The following LRRC9 variants were observed in gnomAD, a reference collection of about 807,000 sequenced individuals.
LRRC9 encodes the protein leucine-rich repeat-containing protein 9.
Under a neutral mutation model 63.2 loss-of-function variants are expected in LRRC9, and 122 were observed. The observed-to-expected ratio is 1.93, with a 90% CI of 1.67 to 2.24. The LOEUF (loss-of-function observed/expected upper bound fraction) is 2.24. Ranked by LOEUF, LRRC9 falls within the 30% of genes most tolerant of loss-of-function variation. LRRC9 has a pLI of 0.00. For synonymous variants in LRRC9, 366 were observed against 213.1 expected, an observed-to-expected ratio of 1.72 and a Z score of -6.25; for missense variants, 1,071 against 627.7, an observed-to-expected ratio of 1.71 and a Z score of -7.55.
chr14:60,008,993 T>C (rs1890038916), intron 23 of LRRC9, among the ~76,000 whole-genome samples: 1 of 152,224 alleles, frequency 6.6e-6, no homozygotes, highest in East Asian at 1.9e-4. Flanking sequence ...TAGAACCTTG[T>C]ATACTGTGAC....
chr14:60,043,756 CTTTTTTT>C (rs368065898), intron 29 of LRRC9, among the ~76,000 whole-genome samples: 143 of 71,572 alleles, frequency 2.0e-3, no homozygotes, highest in Non-Finnish European at 2.4e-3. Context: ...TTTTCTTTTC[CTTTTTTT>C]TTTTTTTTTT....
chr14:59,992,094 G>A (rs1333009120), intron 17 of LRRC9, among the ~76,000 whole-genome samples: 1 of 152,034 alleles, frequency 6.6e-6, no homozygotes, highest in Admixed American at 6.5e-5. Flanking sequence ...CACATGGCCG[G>A]GTACTCCTCT....
At chr14:59,952,295 G>C (rs573506338) in intron 8 of LRRC9, among the ~76,000 whole-genome samples, 2 of 152,182 alleles carry the variant, frequency 1.3e-5, no homozygotes, top group East Asian at 1.9e-4. Flanking sequence ...TCTTTGACTC[G>C]GAAAGGGAAC....
chr14:59,974,753 T>C, intron 13 of LRRC9, 45 bp downstream of exon 13: 1 of 589,172 alleles, frequency 1.7e-6, no homozygotes, highest in Non-Finnish European at 3.0e-6. Context: ...AGTTCTGTCT[T>C]CAAATTCATT....
Position 60,042,701 on chromosome 14 carries a change from G to A in LRRC9, c.3991-10364G>A, listed in dbSNP as rs964127460. On this transcript the variant is annotated intron_variant, in intron 29 of 31. Transcript: ENST00000445360. The surrounding 1 kb of genome is among the most constrained non-coding windows in gnomAD (Gnocchi z 4.2). ...TTTCCCCACCCTTTGCACTTCCCGG[G>A]TGAGGCAATGCCCTGTCCTGCTTTG... is the stretch of plus-strand genomic sequence containing the variant. 6.6e-6 allele frequency among the ~76,000 whole-genome samples: 1 copy of A among 152,150 alleles called. No homozygotes were observed. The highest frequency in any genetic ancestry group is 1.5e-5 in the Non-Finnish European group (1 of 68,032).
intron 13 of LRRC9, among the ~76,000 whole-genome samples, chr14:59,976,037 C>T (rs892439292): frequency 2.6e-5 from 4 of 152,210 alleles, no homozygotes; most frequent in Non-Finnish European, 5.9e-5. Flanking sequence ...CTTATAGGGG[C>T]GCGAACCCTA....
chr14:59,927,271 A>AT lies in LRRC9; in HGVS notation c.-33-634dup, dbSNP rs1889285684. Among the ~76,000 whole-genome samples the AT allele has an allele frequency of 6.6e-6, 1 of 152,042 alleles. No individual in the cohort carries two copies. Among genetic ancestry groups the AT allele is most frequent in the Non-Finnish European group, 1.5e-5 (1 of 67,944 alleles). Reference sequence around the variant, plus strand: ...ATTATATTAAAGGCAGGATTCTTATATTTTTTAGATAGTATGTATCTGGAA... The same window carrying AT: ...ATTATATTAAAGGCAGGATTCTTATATTTTTTTAGATAGTATGTATCTGGAA... On this transcript the variant is annotated intron_variant, in intron 1 of 31. Transcript: ENST00000445360. This position sits in a 1 kb window ranked among gnomAD's most constrained non-coding sequence, Gnocchi z 4.4.
At position 60,042,769 on chromosome 14, in the gene LRRC9, G is replaced by A. The variant is rs1417961558; in HGVS notation, c.3991-10296G>A. ...TGCACCTATTGTCCGACAAGCCCCA[G>A]TGAGATGAACACAGTACCTCAGTTG... On this transcript the variant is annotated intron_variant, in intron 29 of 31. Transcript: ENST00000445360. The surrounding 1 kb of genome is among the most constrained non-coding windows in gnomAD (Gnocchi z 4.2). 2.0e-5 allele frequency among the ~76,000 whole-genome samples: 3 copies of A among 152,128 alleles called. No homozygotes were observed. The highest frequency in any genetic ancestry group is 4.8e-5 in the African/African-American group (2 of 41,446).
chr14:59,949,447 T>C (rs1179100129), intron 8 of LRRC9, among the ~76,000 whole-genome samples: 1 of 150,042 alleles, frequency 6.7e-6, no homozygotes, highest in Non-Finnish European at 1.5e-5. Context: ...TGTTGATCCT[T>C]TCAAAAAACC....
At chr14:60,020,359 G>A (rs1310377789) in intron 26 of LRRC9, among the ~76,000 whole-genome samples, 1 of 151,726 alleles carries the variant, frequency 6.6e-6, no homozygotes, top group Non-Finnish European at 1.5e-5. Context: ...ATTTATCATT[G>A]ATGAACATTT....
In LRRC9 at chr14:59,930,957, CTATATT is replaced by C. The variant is rs982076105; in HGVS notation, c.315_320del (p.Leu105_Tyr106del). 2 of 447,308 alleles carry C rather than the reference CTATATT, an allele frequency of 4.5e-6. No homozygotes were observed. Among genetic ancestry groups the C allele is most frequent in the African/African-American group, 4.1e-5 (2 of 49,122 alleles). The allele number at this position is 447,308 out of a possible 1,614,324, so 27.7% of individuals were successfully genotyped here. Reference sequence around the variant, plus strand: ...TCAAGAATGTAGAAATTTGGAAAAACTATATTTATATTTTAATAAAATTTCCAAAAT... The same window carrying C: ...TCAAGAATGTAGAAATTTGGAAAAACTATATTTTAATAAAATTTCCAAAAT... On this transcript the variant is annotated inframe_deletion, in exon 4 of 32. Transcript: ENST00000445360. This position sits in a 1 kb window ranked among gnomAD's most constrained non-coding sequence, Gnocchi z 4.9.
intron 6 of LRRC9, among the ~76,000 whole-genome samples, chr14:59,934,801 C>T (rs1889999264): frequency 6.6e-6 from 1 of 151,808 alleles, no homozygotes; most frequent in Admixed American, 6.6e-5. Context: ...TAAAACAAAC[C>T]AACAAAAAAC....
chr14:60,053,937 C>T lies in LRRC9; in HGVS notation c.4131+732C>T, dbSNP rs1344727105. The T allele has an allele frequency of 2.2e-6, 1 of 455,606 alleles. No homozygotes were observed. Among genetic ancestry groups the T allele is most frequent in the East Asian group, 7.0e-5 (1 of 14,388 alleles). 28.2% of individuals were successfully genotyped at this position (455,606 alleles called of 1,614,324 possible). A position where few individuals can be genotyped will look rare whatever the true frequency, so the allele number is the denominator to read the frequency against. The stretch of plus-strand genomic sequence containing the variant: ...AAAGAGGCTGGAGGGAGAAGGGAAA[C>T]CAGCTCAGAGGCTTTTAGAATAATC... On this transcript the variant is annotated intron_variant, in intron 30 of 31. Transcript: ENST00000445360. The surrounding 1 kb of genome is among the most constrained non-coding windows in gnomAD (Gnocchi z 4.8).
At chr14:59,999,065 C>G (rs958182778) in intron 18 of LRRC9, 36 bp from the exon 19 acceptor site, 3 of 618,986 alleles carry the variant, frequency 4.8e-6, no homozygotes, top group South Asian at 2.0e-5. Flanking sequence ...ACATATTTAA[C>G]AGTTTATAAA....
chr14:59,960,906 TC>T lies in LRRC9; in HGVS notation c.1080-6del. ...TCTAATAGCTGTATGTATTTTTCTC[TC>T]CAATAGAATTGAAGCAATTTATCAT... On this transcript the variant is annotated splice_region_variant and splice_polypyrimidine_tract_variant and intron_variant, in intron 9 of 31. Transcript: ENST00000445360. The T allele has an allele frequency of 1.5e-6, 1 of 655,770 alleles. No homozygotes were observed. Among genetic ancestry groups the T allele is most frequent in the Non-Finnish European group, 2.7e-6 (1 of 365,082 alleles). The allele number at this position is 655,770 out of a possible 1,614,324, so 40.6% of individuals were successfully genotyped here.
rs1465848579 is a variant in LRRC9 at position 60,058,034 on chromosome 14, AT to A, written c.4276+15del. On this transcript the variant is annotated intron_variant, in intron 31 of 31. Coordinates refer to ENST00000445360, the Ensembl canonical transcript of LRRC9. The surrounding 1 kb of genome is among the most constrained non-coding windows in gnomAD (Gnocchi z 4.4). ...TCCTGAAGTTGAAGGTATTTTGACAATTTCAGATAGAATGTAAAAGAATCAC... is the reference window on the plus strand; with the variant it reads ...TCCTGAAGTTGAAGGTATTTTGACAATTCAGATAGAATGTAAAAGAATCAC... The A allele has an allele frequency of 5.1e-6, 3 of 593,086 alleles. No individual in the cohort carries two copies. Among genetic ancestry groups the A allele is most frequent in the African/African-American group, 1.8e-5 (1 of 55,662 alleles). The allele number at this position is 593,086 out of a possible 1,614,324, so 36.7% of individuals were successfully genotyped here. A position where few individuals can be genotyped will look rare whatever the true frequency, so the allele number is the denominator to read the frequency against.
intron 29 of LRRC9, among the ~76,000 whole-genome samples, chr14:60,044,188 T>A (rs922771894): frequency 1.3e-5 from 2 of 152,092 alleles, no homozygotes; most frequent in African/African-American, 2.4e-5. Flanking sequence ...TTAGGTCTTC[T>A]CTTTTTCTTT....
At position 59,936,499 on chromosome 14, in the gene LRRC9, T is replaced by A. The variant is rs1205136560; in HGVS notation, c.544-1891T>A. On this transcript the variant is annotated intron_variant, in intron 6 of 31. Transcript: ENST00000445360. This position sits in a 1 kb window ranked among gnomAD's most constrained non-coding sequence, Gnocchi z 4.2. Reference sequence around the variant, plus strand: ...CTAATTTTCAGTGAGATTTTGTGCCTTTGTAAACTCCAGTGTCACCTGAAT... The same window carrying A: ...CTAATTTTCAGTGAGATTTTGTGCCATTGTAAACTCCAGTGTCACCTGAAT... 6.6e-6 allele frequency among the ~76,000 whole-genome samples: 1 copy of A among 152,176 alleles called. No individual in the cohort carries two copies. The highest frequency in any genetic ancestry group is 1.5e-5 in the Non-Finnish European group (1 of 68,008).
intron 7 of LRRC9, among the ~76,000 whole-genome samples, chr14:59,939,065 G>A (rs886241258): frequency 7.7e-4 from 105 of 135,824 alleles, no homozygotes; most frequent in Middle Eastern, 8.2e-3. Context: ...ATATATATAC[G>A]TATATACACA....
Sources: gnomAD v4.1 joint callset for allele counts (sites outside exome capture counted in the v4.1 genomes callset) on GRCh38, gnomAD v4.1.1 for gene constraint, Gnocchi (gnomAD v3.1) non-coding constraint, MANE v1.5 for transcripts, NCBI Gene and HGNC (gene_info 2026-07-23, HGNC 2026-07-21) for gene names.